FLT1: variants seen among roughly 807,000 people sequenced by gnomAD.
The protein encoded by FLT1 is fms related receptor tyrosine kinase 1.
FLT1 carries 49 observed loss-of-function variants against 156.3 expected under a neutral mutation model. The observed-to-expected ratio is 0.31, with a 90% CI of 0.25 to 0.40. FLT1 has a LOEUF of 0.40. Among genes scored for constraint, FLT1 ranks in the 10% least tolerant of loss-of-function variants. The pLI, the probability that FLT1 is intolerant of heterozygous loss-of-function variation, is 1.00. For missense variants in FLT1, 1,322 were observed against 1,637.2 expected (o/e 0.81, Z 3.32); for synonymous variants, 594 against 583.8 (o/e 1.02, Z -0.25).
At chr13:28,360,688 G>T (rs1565985309) in intron 14 of FLT1, among the ~76,000 whole-genome samples, 1 of 152,150 alleles carries the variant, frequency 6.6e-6, no homozygotes, top group Admixed American at 6.5e-5. Context: ...GGCTGGGGTG[G>T]GGAGAGTTGG....
chr13:28,318,755 G>A (rs3794399), intron 24 of FLT1, among the ~76,000 whole-genome samples: 3 of 152,124 alleles, frequency 2.0e-5, no homozygotes, highest in Non-Finnish European at 4.4e-5. Context: ...GACTCTTGGC[G>A]AGAACTTGAG....
chr13:28,456,939 A>G (rs184937018), intron 3 of FLT1, among the ~76,000 whole-genome samples: 3 of 152,318 alleles, frequency 2.0e-5, no homozygotes, highest in Non-Finnish European at 2.9e-5. Flanking sequence ...ATGTCATTGT[A>G]TGTTTCTCCA....
At chr13:28,491,785 G>A (rs1881481831) in intron 1 of FLT1, among the ~76,000 whole-genome samples, 1 of 152,170 alleles carries the variant, frequency 6.6e-6, no homozygotes, top group Non-Finnish European at 1.5e-5. Context: ...TTGAATTTTG[G>A]AGTCAGAAAA....
In FLT1 at chr13:28,406,999, A is replaced by T. The variant is rs552458922; in HGVS notation, c.1437-1105T>A. Among the ~76,000 whole-genome samples, 12 of 152,278 alleles carry T rather than the reference A, an allele frequency of 7.9e-5. No individual in the cohort carries two copies. The South Asian group carries it at 8.3e-4, about 11-fold the overall frequency. On this transcript the variant is annotated intron_variant, in intron 10 of 29. Coordinates refer to ENST00000282397, the MANE Select transcript of FLT1 (RefSeq NM_002019.4). ...GAACTCCAGAGTGTTAAACTATCGC[A>T]TCTGCAGGGGTACTGGCCCTGTAAC... is the stretch of plus-strand genomic sequence containing the variant.
intron 15 of FLT1, among the ~76,000 whole-genome samples, chr13:28,355,876 A>G (rs1173476793): frequency 2.6e-5 from 4 of 152,224 alleles, no homozygotes; most frequent in Non-Finnish European, 5.9e-5. Context: ...AAACTCACAG[A>G]TGTCGTAAAT....
At position 28,431,011 on chromosome 13, in the gene FLT1, C is replaced by A. The variant is rs1055140182; in HGVS notation, c.988+125G>T. On this transcript the variant is annotated intron_variant, in intron 7 of 29. Transcript: ENST00000282397. ...TGACAGGGGGAGGAGGGAACCATGG[C>A]CAAGCTGTATTCATTCATGATAATG... The A allele has an allele frequency of 5.8e-6, 5 of 861,006 alleles. No individual in the cohort carries two copies. The South Asian group carries it at 6.9e-5, about 12-fold the overall frequency. 53.3% of individuals were successfully genotyped at this position (861,006 alleles called of 1,614,324 possible).
chr13:28,445,614 A>G (rs1485546725), intron 3 of FLT1, among the ~76,000 whole-genome samples: 1 of 152,230 alleles, frequency 6.6e-6, no homozygotes, highest in African/African-American at 2.4e-5. Flanking sequence ...AACAAGCTCA[A>G]CAAGAATTAG....
At chr13:28,456,352 A>G (rs945672399) in intron 3 of FLT1, among the ~76,000 whole-genome samples, 2 of 151,986 alleles carry the variant, frequency 1.3e-5, no homozygotes, top group Non-Finnish European at 2.9e-5. Context: ...TCAGCAATAA[A>G]AAGAAATTAG....
intron 1 of FLT1, among the ~76,000 whole-genome samples, chr13:28,485,657 G>T (rs1566059083): frequency 6.6e-6 from 1 of 152,158 alleles, no homozygotes; most frequent in Non-Finnish European, 1.5e-5. Flanking sequence ...TCCACGCAGA[G>T]AGGCATCTGC....
Position 28,350,527 on chromosome 13 carries a change from G to T in FLT1, c.2249-4976C>A, listed in dbSNP as rs113606732. Among the ~76,000 whole-genome samples the T allele has an allele frequency of 7.4e-3, 1,124 of 152,228 alleles. 18 individuals carry two copies. Among genetic ancestry groups the T allele is most frequent in the African/African-American group, 0.025 (1,029 of 41,532 alleles). On this transcript the variant is annotated intron_variant, in intron 15 of 29. Coordinates refer to ENST00000282397, the MANE Select transcript of FLT1 (RefSeq NM_002019.4). ...TAGTAGCTCTCTGTACACACAGCCTGGGCTGCATGGTCTGGCGGCATCACA... is the reference window on the plus strand; with the variant it reads ...TAGTAGCTCTCTGTACACACAGCCTTGGCTGCATGGTCTGGCGGCATCACA...
chr13:28,382,045 G>A (rs1350564160), intron 14 of FLT1, among the ~76,000 whole-genome samples: 1 of 152,062 alleles, frequency 6.6e-6, no homozygotes, highest in Non-Finnish European at 1.5e-5. Context: ...TATATGAACT[G>A]GTGATTTAAA....
chr13:28,305,431 C>T (rs1378282002), intron 29 of FLT1, among the ~76,000 whole-genome samples: 1 of 152,104 alleles, frequency 6.6e-6, no homozygotes, highest in Non-Finnish European at 1.5e-5. Flanking sequence ...TGCCATGTTG[C>T]TCCCGGGCTC....
chr13:28,375,712 G>C (rs1042834532), intron 14 of FLT1, among the ~76,000 whole-genome samples: 9 of 152,214 alleles, frequency 5.9e-5, no homozygotes, highest in Non-Finnish European at 1.2e-4. Context: ...GACAGGGCTA[G>C]CGAGAACAGC....
At chr13:28,427,447 A>G in intron 9 of FLT1, 129 bp from the exon 10 acceptor site, 1 of 881,860 alleles carries the variant, frequency 1.1e-6, no homozygotes, top group Admixed American at 2.0e-5. Flanking sequence ...CAAAAAAACA[A>G]ATAAACCCTC....
chr13:28,441,893 A>G (rs1025025916), intron 3 of FLT1, among the ~76,000 whole-genome samples: 2 of 152,206 alleles, frequency 1.3e-5, no homozygotes, highest in Non-Finnish European at 2.9e-5. Flanking sequence ...ATTATTTTAT[A>G]GTAATATTTT....
intron 15 of FLT1, 54 bp from the exon 16 acceptor site, chr13:28,345,605 G>A: frequency 9.1e-7 from 1 of 1,096,488 alleles, no homozygotes; most frequent in Non-Finnish European, 1.4e-6. Context: ...CCCAAACTCA[G>A]AATCTTTGTG....
At chr13:28,438,127 G>A in intron 4 of FLT1, 94 bp downstream of exon 4, 1 of 1,306,498 alleles carries the variant, frequency 7.7e-7, no homozygotes, top group Non-Finnish European at 1.1e-6. Flanking sequence ...CCAGGTGTTT[G>A]TAAGGAAATT....
Position 28,488,942 on chromosome 13 carries a change from T to C in FLT1, c.64+5838A>G, listed in dbSNP as rs549902022. ...GTCAAACCCTAAAATTTGAGGACTC[T>C]GTTCTCTCTAAAAATTGTATAACAC... is the stretch of plus-strand genomic sequence containing the variant. On this transcript the variant is annotated intron_variant, in intron 1 of 29. Coordinates refer to ENST00000282397, the MANE Select transcript of FLT1 (RefSeq NM_002019.4). Among the ~76,000 whole-genome samples the C allele has an allele frequency of 3.3e-5, 5 of 152,308 alleles. No homozygotes were observed. The South Asian group carries it at 8.3e-4, about 25-fold the overall frequency.
chr13:28,369,330 G>A (rs988115713), intron 14 of FLT1, among the ~76,000 whole-genome samples: 4 of 152,140 alleles, frequency 2.6e-5, no homozygotes, highest in African/African-American at 9.7e-5. Flanking sequence ...TTCAAGACCA[G>A]CCTGGCCAAC....
Sources: gnomAD v4.1 joint callset for allele counts (sites outside exome capture counted in the v4.1 genomes callset) on GRCh38, gnomAD v4.1.1 for gene constraint, MANE v1.5 for transcripts, NCBI Gene and HGNC (gene_info 2026-07-23, HGNC 2026-07-21) for gene names.